Variants in MORC2 observed in about 807,000 individuals in gnomAD.
MORC2 encodes the protein MORC family CW-type zinc finger 2, also known as ATPase MORC2.
A neutral mutation model predicts 136.0 loss-of-function variants in MORC2; 30 were observed. That is an observed-to-expected ratio of 0.22 (90% CI 0.17 to 0.30). MORC2 has a LOEUF of 0.30. Among genes scored for constraint, MORC2 ranks in the 10% least tolerant of loss-of-function variants. MORC2 has a pLI of 1.00. For missense variants in MORC2, 922 were observed against 1,333.1 expected (o/e 0.69, Z 4.80); for synonymous variants, 439 against 487.0 (o/e 0.90, Z 1.30).
At chr22:30,935,762 T>C (rs1314710939) in intron 17 of MORC2, among the ~76,000 whole-genome samples, 2 of 152,110 alleles carry the variant, frequency 1.3e-5, no homozygotes, top group Non-Finnish European at 2.9e-5. Context: ...AAACAGATGA[T>C]ATCACAGACA....
In MORC2 at chr22:30,941,627, C is replaced by T; in HGVS notation, c.699-69G>A. The T allele has an allele frequency of 6.4e-7, 1 of 1,566,560 alleles. No individual in the cohort carries two copies. Among genetic ancestry groups the T allele is most frequent in the East Asian group, 2.3e-5 (1 of 44,156 alleles). On this transcript the variant is annotated intron_variant, in intron 8 of 25. Coordinates refer to ENST00000397641, the MANE Select transcript of MORC2 (RefSeq NM_001303256.3). The surrounding 1 kb of genome is among the most constrained non-coding windows in gnomAD (Gnocchi z 4.6). ...ACAGGCCTGACCAAGGGCACAACATCCTCTCTGCAGGCTCTCCACCTTTCC... is the reference window on the plus strand; with the variant it reads ...ACAGGCCTGACCAAGGGCACAACATTCTCTCTGCAGGCTCTCCACCTTTCC...
In MORC2 at chr22:30,941,492, G is replaced by A. The variant is rs1183694071; in HGVS notation, c.765C>T (p.Ile255=). The part of the protein sequence containing the change: ...AVLYIDPRMR[I]FIHGHKVQTK... ...TCTGCACCTTGTGCCCATGGATGAA[G>A]ATCCTCATCCGGGGATCAATATAGA... Residue 255 remains isoleucine, a synonymous_variant, in exon 9 of 26, where the codon ATC becomes ATT. Coordinates refer to ENST00000397641, the MANE Select transcript of MORC2 (RefSeq NM_001303256.3). This position sits in a 1 kb window ranked among gnomAD's most constrained non-coding sequence, Gnocchi z 4.6. 1 of 1,614,100 alleles carries A rather than the reference G, an allele frequency of 6.2e-7. No homozygotes were observed. The highest frequency in any genetic ancestry group is 8.5e-7 in the Non-Finnish European group (1 of 1,180,012).
intron 1 of MORC2, chr22:30,963,381 A>G: frequency 2.5e-6 from 2 of 804,844 alleles, no homozygotes; most frequent in Non-Finnish European, 3.0e-6. Context: ...CTTTCAACTG[A>G]TTATGGCTTT....
chr22:30,950,647 T>C (rs1260221980), intron 3 of MORC2, among the ~76,000 whole-genome samples: 1 of 152,222 alleles, frequency 6.6e-6, no homozygotes, highest in East Asian at 1.9e-4. Context: ...TTCTAGATCA[T>C]GACAAAGCTT....
intron 3 of MORC2, among the ~76,000 whole-genome samples, chr22:30,953,573 T>A (rs1244992920): frequency 6.6e-6 from 1 of 152,206 alleles, no homozygotes. Context: ...TAAAATGACA[T>A]CCAAGTTCTT....
intron 1 of MORC2, among the ~76,000 whole-genome samples, chr22:30,962,671 C>T (rs2041066868): frequency 6.6e-6 from 1 of 151,230 alleles, no homozygotes; most frequent in African/African-American, 2.4e-5. Flanking sequence ...ATACATATTT[C>T]AGATAAGCTA....
intron 4 of MORC2, 31 bp downstream of exon 4, chr22:30,950,346 C>CT: frequency 1.2e-6 from 1 of 868,798 alleles, no homozygotes; most frequent in Non-Finnish European, 1.9e-6. Flanking sequence ...CGCACCCCCC[C>CT]ACCCCCCAAA....
chr22:30,934,290 G>A lies in MORC2; in HGVS notation c.2194-99C>T, dbSNP rs1284796708. On this transcript the variant is annotated intron_variant, in intron 19 of 25. Transcript: ENST00000397641. This position sits in a 1 kb window ranked among gnomAD's most constrained non-coding sequence, Gnocchi z 4.4. ...TAAAGGAGTCGTTCCAAGAGGAGCT[G>A]TACTCCCTGCAATCCCTGCCTGACA... The A allele has an allele frequency of 9.9e-6, 15 of 1,508,360 alleles. No homozygotes were observed. Among genetic ancestry groups the A allele is most frequent in the South Asian group, 2.5e-5 (2 of 79,932 alleles). The allele number at this position is 1,508,360 out of a possible 1,614,324, so 93.4% of individuals were successfully genotyped here.
intron 21 of MORC2, among the ~76,000 whole-genome samples, chr22:30,933,237 A>G (rs2040602374): frequency 6.6e-6 from 1 of 152,188 alleles, no homozygotes; most frequent in Non-Finnish European, 1.5e-5. Context: ...AAGCAGGAGA[A>G]CAAGTGACCG....
chr22:30,938,842 T>A (rs973659764), intron 12 of MORC2, among the ~76,000 whole-genome samples: 1 of 152,230 alleles, frequency 6.6e-6, no homozygotes, highest in Non-Finnish European at 1.5e-5. Flanking sequence ...GTGCTGGGAT[T>A]ACAGGCGTGA....
intron 21 of MORC2, 129 bp downstream of exon 21, chr22:30,933,333 TCCAC>T: frequency 1.0e-6 from 1 of 970,420 alleles, no homozygotes; most frequent in South Asian, 1.6e-5. Context: ...TAGACTTGGA[TCCAC>T]TGCTGCACAA....
chr22:30,967,218 T>C lies in MORC2; in HGVS notation c.68+604A>G, dbSNP rs1371312861. 1.3e-5 allele frequency: 13 copies of C among 985,960 alleles called. No individual in the cohort carries two copies. In the Admixed American group the frequency reaches 3.7e-4, roughly 28 times the overall value. 61.1% of individuals were successfully genotyped at this position (985,960 alleles called of 1,614,324 possible). A position where few individuals can be genotyped will look rare whatever the true frequency, so the allele number is the denominator to read the frequency against. ...TACTCCTTCATGAACTCAAGAACCA[T>C]GAACACTGTATGTTTCTGTGGAAAT... On this transcript the variant is annotated intron_variant, in intron 1 of 25. Transcript: ENST00000397641.
At chr22:30,950,353 C>CCAAACAAAAA in intron 4 of MORC2, 24 bp downstream of exon 4, 1 of 1,481,958 alleles carries the variant, frequency 6.7e-7, no homozygotes, top group Non-Finnish European at 9.4e-7. Flanking sequence ...CCCCACCCCC[C>CCAAACAAAAA]AAAACAATAA....
chr22:30,933,054 A>G (rs1197295760), intron 21 of MORC2, 24 bp from the exon 22 acceptor site: 1 of 1,612,788 alleles, frequency 6.2e-7, no homozygotes. Context: ...CAGAGGTGCG[A>G]GTCAGAAAAC....
intron 3 of MORC2, among the ~76,000 whole-genome samples, chr22:30,954,085 C>A (rs529447105): frequency 6.6e-6 from 1 of 152,270 alleles, no homozygotes; most frequent in South Asian, 2.1e-4. Context: ...AGTCAGATTA[C>A]TTGAGCTCAG....
At chr22:30,938,497 G>C (rs187669362) in intron 12 of MORC2, among the ~76,000 whole-genome samples, 3 of 152,120 alleles carry the variant, frequency 2.0e-5, no homozygotes, top group African/African-American at 7.2e-5. Flanking sequence ...TCTGTGCAAA[G>C]ACAATTATAT....
intron 1 of MORC2, chr22:30,967,520 TA>T (rs1229364330): frequency 8.4e-7 from 1 of 1,185,472 alleles, no homozygotes; most frequent in African/African-American, 1.6e-5. Flanking sequence ...AATAGAGCAG[TA>T]TTTGTTGGAT....
chr22:30,959,743 G>A (rs1306794688), intron 1 of MORC2, among the ~76,000 whole-genome samples: 6 of 152,138 alleles, frequency 3.9e-5, no homozygotes, highest in Middle Eastern at 3.4e-3. Flanking sequence ...TTTTTGCATA[G>A]AGTTTCAGCC....
intron 1 of MORC2, among the ~76,000 whole-genome samples, chr22:30,965,195 T>C (rs1018171049): frequency 3.9e-5 from 6 of 152,224 alleles, no homozygotes; most frequent in Admixed American, 2.6e-4. Flanking sequence ...TAATGAGAAG[T>C]AAGCAAAGGA....
Sources: allele counts gnomAD v4.1 joint callset (sites outside exome capture counted in the v4.1 genomes callset), GRCh38; gene constraint gnomAD v4.1.1; non-coding constraint Gnocchi (gnomAD v3.1); transcripts MANE v1.5; gene names NCBI Gene and HGNC (gene_info 2026-07-23, HGNC 2026-07-21).